Variants in FAM184B observed in about 807,000 individuals in gnomAD.
FAM184B encodes the protein protein FAM184B.
FAM184B carries 111 observed loss-of-function variants against 135.9 expected under a neutral mutation model. The observed-to-expected ratio is 0.82, with a 90% CI of 0.70 to 0.96. The LOEUF (loss-of-function observed/expected upper bound fraction) is 0.96, where lower values mean the gene tolerates loss of function less well. FAM184B is among the 40% of genes least tolerant of loss of function. The probability of loss-of-function intolerance (pLI) is 0.00; values close to 1 mark genes in which losing one functional copy is unlikely to be tolerated. For missense variants in FAM184B, 1,375 were observed against 1,323.9 expected (o/e 1.04, Z -0.60); for synonymous variants, 552 against 524.8 (o/e 1.05, Z -0.71).
chr4:17,647,627 G>A lies in FAM184B; in HGVS notation c.2346+10C>T, dbSNP rs1230939589. On this transcript the variant is annotated intron_variant, in intron 12 of 17. Transcript: ENST00000265018. ...AGGGGTATTGCTGGTGCAAGGGCGG[G>A]GGCACTGACCTCTGTGGCGATTATG... 1.3e-6 allele frequency: 2 copies of A among 1,546,288 alleles called. No individual in the cohort carries two copies. The highest frequency in any genetic ancestry group is 2.0e-5 in the Admixed American group (1 of 50,934).
At chr4:17,634,248 A>G in intron 16 of FAM184B, 1 of 182,266 alleles carries the variant, frequency 5.5e-6, no homozygotes, top group Non-Finnish European at 1.1e-5. Context: ...TTTTGTCACA[A>G]TGAGGGATAC....
At chr4:17,688,354 TG>T in intron 7 of FAM184B, 69 bp downstream of exon 7, 1 of 1,173,796 alleles carries the variant, frequency 8.5e-7, no homozygotes, top group Non-Finnish European at 1.2e-6. Flanking sequence ...CATGTGTTAC[TG>T]GGGACACTGA....
intron 1 of FAM184B, among the ~76,000 whole-genome samples, chr4:17,757,414 G>GT (rs1718447218): frequency 6.6e-6 from 1 of 152,136 alleles, no homozygotes; most frequent in Non-Finnish European, 1.5e-5. Context: ...ACAAAACAAT[G>GT]TAAGTACTAG....
chr4:17,772,199 T>C (rs1426528835), intron 1 of FAM184B, among the ~76,000 whole-genome samples: 1 of 152,234 alleles, frequency 6.6e-6, no homozygotes, highest in East Asian at 1.9e-4. Context: ...CAAATTTAAA[T>C]TCATTTCACG....
At chr4:17,682,894 C>A (rs1279139470) in intron 7 of FAM184B, among the ~76,000 whole-genome samples, 1 of 152,166 alleles carries the variant, frequency 6.6e-6, no homozygotes, top group Non-Finnish European at 1.5e-5. Flanking sequence ...AATTTTATAG[C>A]CCCAATCCAG....
intron 7 of FAM184B, among the ~76,000 whole-genome samples, chr4:17,666,604 G>T (rs374783499): frequency 3.4e-5 from 5 of 148,958 alleles, no homozygotes; most frequent in African/African-American, 1.2e-4. Context: ...GATTACAGAC[G>T]CAAGTCACCA....
chr4:17,711,533 C>T (rs918882325), intron 1 of FAM184B, among the ~76,000 whole-genome samples: 2 of 151,630 alleles, frequency 1.3e-5, no homozygotes, highest in Non-Finnish European at 2.9e-5. Context: ...CATGGTGGCA[C>T]ATTCCTGTGG....
intron 6 of FAM184B, among the ~76,000 whole-genome samples, chr4:17,689,089 A>G (rs953246368): frequency 7.9e-5 from 12 of 152,298 alleles, no homozygotes; most frequent in African/African-American, 2.9e-4. Flanking sequence ...TAAATTATTT[A>G]CATAGATATT....
intron 10 of FAM184B, among the ~76,000 whole-genome samples, chr4:17,654,442 C>T (rs934106358): frequency 4.6e-5 from 7 of 152,160 alleles, no homozygotes; most frequent in Admixed American, 2.6e-4. Flanking sequence ...CTCAGCCTCC[C>T]GAAGTGTTGA....
chr4:17,761,772 C>CA (rs1339577754), intron 1 of FAM184B, among the ~76,000 whole-genome samples: 1 of 152,204 alleles, frequency 6.6e-6, no homozygotes, highest in Non-Finnish European at 1.5e-5. Flanking sequence ...CCACCTGCCT[C>CA]AACCTCCCAA....
intron 1 of FAM184B, among the ~76,000 whole-genome samples, chr4:17,767,009 T>C (rs1428380611): frequency 1.3e-5 from 2 of 152,110 alleles, no homozygotes; most frequent in Non-Finnish European, 2.9e-5. Flanking sequence ...GGGCCAGCAC[T>C]GCTGGGGGAT....
chr4:17,781,147 G>A lies in FAM184B; in HGVS notation c.141+12C>T, dbSNP rs958711419. On this transcript the variant is annotated intron_variant, in intron 1 of 17. Coordinates refer to ENST00000265018, the MANE Select transcript of FAM184B (RefSeq NM_015688.2). The surrounding 1 kb of genome is among the most constrained non-coding windows in gnomAD (Gnocchi z 6.5). ...GGCGTGCAGCTCGCTGGCCCGCTGC[G>A]CCCCACCTTACCTTGGTGAGCTGGG... 5 of 1,529,160 alleles carry A rather than the reference G, an allele frequency of 3.3e-6. No individual in the cohort carries two copies. Among genetic ancestry groups the A allele is most frequent in the South Asian group, 1.2e-5 (1 of 81,078 alleles). 94.7% of individuals were successfully genotyped at this position (1,529,160 alleles called of 1,614,324 possible). A position where few individuals can be genotyped will look rare whatever the true frequency, so the allele number is the denominator to read the frequency against.
chr4:17,681,388 T>C (rs1251786256), intron 7 of FAM184B, among the ~76,000 whole-genome samples: 1 of 152,182 alleles, frequency 6.6e-6, no homozygotes, highest in Admixed American at 6.5e-5. Flanking sequence ...CAGGTGGCCC[T>C]GCCCTACACT....
chr4:17,732,495 T>G (rs1717805468), intron 1 of FAM184B, among the ~76,000 whole-genome samples: 1 of 152,002 alleles, frequency 6.6e-6, no homozygotes, highest in African/African-American at 2.4e-5. Flanking sequence ...TAAAAAATGA[T>G]AAAGGGGATA....
chr4:17,638,967 G>A (rs533973607), intron 14 of FAM184B, among the ~76,000 whole-genome samples: 2 of 152,314 alleles, frequency 1.3e-5, no homozygotes, highest in Non-Finnish European at 2.9e-5. Context: ...CTCCAGAGTA[G>A]CTGGGATTAC....
intron 5 of FAM184B, among the ~76,000 whole-genome samples, chr4:17,696,961 G>A (rs1230497119): frequency 6.6e-6 from 1 of 152,118 alleles, no homozygotes; most frequent in Non-Finnish European, 1.5e-5. Context: ...ACCATGTTAA[G>A]GAATTGGAAC....
chr4:17,692,597 C>T (rs1314408980), intron 6 of FAM184B, among the ~76,000 whole-genome samples: 1 of 152,114 alleles, frequency 6.6e-6, no homozygotes, highest in Non-Finnish European at 1.5e-5. Flanking sequence ...TACTGTTTTG[C>T]GCATGGCCTT....
chr4:17,723,579 C>T (rs991857830), intron 1 of FAM184B, among the ~76,000 whole-genome samples: 13 of 152,164 alleles, frequency 8.5e-5, no homozygotes, highest in Admixed American at 2.6e-4. Context: ...GTCAAGTCCA[C>T]GGCCAGCCCA....
intron 13 of FAM184B, among the ~76,000 whole-genome samples, chr4:17,640,337 A>T (rs1298902868): frequency 7.3e-6 from 1 of 137,216 alleles, no homozygotes; most frequent in South Asian, 2.4e-4. Context: ...AAAAAAAATT[A>T]GCTGGGCATG....
Sources: gnomAD v4.1 joint callset for allele counts (sites outside exome capture counted in the v4.1 genomes callset) on GRCh38, gnomAD v4.1.1 for gene constraint, Gnocchi (gnomAD v3.1) non-coding constraint, MANE v1.5 for transcripts, NCBI Gene and HGNC (gene_info 2026-07-23, HGNC 2026-07-21) for gene names.